The following ZZEF1 variants were observed in gnomAD, a reference collection of about 807,000 sequenced individuals.
ZZEF1 encodes the protein zinc finger ZZ-type and EF-hand domain containing 1.
A neutral mutation model predicts 342.8 loss-of-function variants in ZZEF1; 157 were observed. The observed-to-expected ratio is 0.46, with a 90% CI of 0.40 to 0.52. The LOEUF (loss-of-function observed/expected upper bound fraction) is 0.52. Ranked by LOEUF, ZZEF1 falls within the 20% of genes least tolerant of loss-of-function variation. The pLI, the probability that ZZEF1 is intolerant of heterozygous loss-of-function variation, is 0.00. For synonymous variants in ZZEF1, 1,505 were observed against 1,429.1 expected, an observed-to-expected ratio of 1.05 and a Z score of -1.20; for missense variants, 3,480 against 3,725.6, an observed-to-expected ratio of 0.93 and a Z score of 1.72.
In ZZEF1 at chr17:4,044,250, T is replaced by C. The variant is rs979158431; in HGVS notation, c.6140A>G (p.Asp2047Gly). 4.3e-6 allele frequency: 7 copies of C among 1,614,018 alleles called. No homozygotes were observed. The highest frequency in any genetic ancestry group is 5.9e-6 in the Non-Finnish European group (7 of 1,180,010). ...TGGAAGTCCTGTAGGTGGGCTAGCATCTGCAGGTGAATCTGAAATTTGGGT... is the reference window on the plus strand; with the variant it reads ...TGGAAGTCCTGTAGGTGGGCTAGCACCTGCAGGTGAATCTGAAATTTGGGT... ...CQTQISDSPA[D>G]ASPPTGLPDA... Residue 2047 changes from aspartate (D) to glycine (G), a missense_variant, in exon 38 of 55, where the codon GAT (aspartate) becomes GGT (glycine). By Grantham distance (94) the Asp-to-Gly change is moderately conservative (BLOSUM62 -1). Around this residue, in one of 5 missense-constraint regions of ZZEF1, gnomAD observed 1,269 missense variants for 1,342.4 expected, o/e 0.95. Transcript: ENST00000381638.
In ZZEF1 at chr17:4,016,497, C is replaced by T; in HGVS notation, c.8002-31G>A. 1.3e-6 allele frequency: 2 copies of T among 1,579,616 alleles called. No individual in the cohort carries two copies. Among genetic ancestry groups the T allele is most frequent in the Non-Finnish European group, 1.7e-6 (2 of 1,169,788 alleles). ...GGGAAGCAGACAGATAAGGTCAGGG[C>T]CTGCAAGTGGCATCAGGAAGAAGGG... On this transcript the variant is annotated intron_variant, in intron 48 of 54. Coordinates refer to ENST00000381638, the MANE Select transcript of ZZEF1 (RefSeq NM_015113.4). The surrounding 1 kb of genome is among the most constrained non-coding windows in gnomAD (Gnocchi z 4.4).
chr17:4,085,757 T>A lies in ZZEF1; in HGVS notation c.2559A>T (p.Lys853Asn). ...TGAGAAGGGTATTCCTGACTTCTTG[T>A]TTTAGTATCTCCATGGGCACAGAGT... Reference protein sequence around the residue: ...DGDSVPMEILKQEVRNTLLNG... With the variant: ...DGDSVPMEILNQEVRNTLLNG... Residue 853 changes from lysine to asparagine, a missense_variant, in exon 16 of 55, where the codon AAA becomes AAT. Lys to Asn is a moderately conservative substitution (Grantham distance 94). This residue lies in a region of ZZEF1 where 1,528 missense variants were observed against 1,624.1 expected (regional missense o/e 0.94). Transcript: ENST00000381638. 1.2e-6 allele frequency: 2 copies of A among 1,614,144 alleles called. No individual in the cohort carries two copies. The highest frequency in any genetic ancestry group is 1.7e-6 in the Non-Finnish European group (2 of 1,180,000).
intron 1 of ZZEF1, among the ~76,000 whole-genome samples, chr17:4,133,520 T>G (rs74463681): frequency 2.4e-4 from 37 of 152,118 alleles, no homozygotes; most frequent in Non-Finnish European, 4.4e-4. Flanking sequence ...CCGCTCCTTT[T>G]GTCCAGGTGA....
In ZZEF1 at chr17:4,084,773, C is replaced by T. The variant is rs144291892; in HGVS notation, c.2646+897G>A. ...CCCAGCTACTAATGTCTGAGGAACA[C>T]GAAGAAGTGGTCTAGGAGAGTGACA... On this transcript the variant is annotated intron_variant, in intron 16 of 54. Transcript: ENST00000381638. 1.1e-4 allele frequency among the ~76,000 whole-genome samples: 16 copies of T among 152,288 alleles called. No individual in the cohort carries two copies. The East Asian group carries it at 2.7e-3, about 26-fold the overall frequency.
At chr17:4,057,868 T>C in intron 32 of ZZEF1, 126 bp downstream of exon 32, 1 of 942,370 alleles carries the variant, frequency 1.1e-6, no homozygotes, top group Non-Finnish European at 1.6e-6. Flanking sequence ...TCGGCTAGGA[T>C]GTGGCAAAGC....
At chr17:4,139,535 C>G (rs1340945926) in intron 1 of ZZEF1, among the ~76,000 whole-genome samples, 1 of 152,198 alleles carries the variant, frequency 6.6e-6, no homozygotes, top group African/African-American at 2.4e-5. Flanking sequence ...AGATTAACAA[C>G]GCAGAATTAA....
chr17:4,132,415 C>T (rs1181826266), intron 1 of ZZEF1, among the ~76,000 whole-genome samples: 6 of 150,436 alleles, frequency 4.0e-5, no homozygotes, highest in Admixed American at 1.3e-4. Flanking sequence ...AACTCCTGGC[C>T]TCAAGTGATC....
intron 1 of ZZEF1, among the ~76,000 whole-genome samples, chr17:4,126,798 T>C (rs1276484893): frequency 6.6e-6 from 1 of 152,056 alleles, no homozygotes; most frequent in Non-Finnish European, 1.5e-5. Flanking sequence ...AAACTCCGTA[T>C]CTACTAAAAC....
chr17:4,098,855 T>G (rs2058081613), intron 9 of ZZEF1, among the ~76,000 whole-genome samples: 1 of 152,192 alleles, frequency 6.6e-6, no homozygotes, highest in African/African-American at 2.4e-5. Context: ...ATAGGCAATT[T>G]TAAGAATCCA....
intron 45 of ZZEF1, chr17:4,019,979 G>T: frequency 2.2e-6 from 1 of 454,878 alleles, no homozygotes; most frequent in Non-Finnish European, 3.8e-6. Context: ...AACTTCAAAG[G>T]AAATTATAAA....
At chr17:4,028,729 G>T (rs1032767878) in intron 42 of ZZEF1, among the ~76,000 whole-genome samples, 3 of 152,130 alleles carry the variant, frequency 2.0e-5, no homozygotes, top group African/African-American at 7.2e-5. Context: ...GAAACCCATG[G>T]ATATGAAGGG....
Position 4,077,943 on chromosome 17 carries a change from G to C in ZZEF1, c.2929C>G (p.Leu977Val), listed in dbSNP as rs760415340. The C allele has an allele frequency of 1.2e-6, 2 of 1,614,176 alleles. No homozygotes were observed. Among genetic ancestry groups the C allele is most frequent in the South Asian group, 1.1e-5 (1 of 91,082 alleles). ...VQGSLLSWCY[L>V]QLKSTDSGAK... The stretch of plus-strand genomic sequence containing the variant: ...CCAGAGTCCGTGCTCTTCAGCTGCA[G>C]GTAGCACCAGGATAGCAGGCTGCCT... Residue 977 changes from leucine to valine, a missense_variant, in exon 19 of 55, where the codon CTG becomes GTG. Coordinates refer to ENST00000381638, the MANE Select transcript of ZZEF1 (RefSeq NM_015113.4).
At chr17:4,009,779 T>C in intron 52 of ZZEF1, 22 bp from the exon 53 acceptor site, 1 of 1,610,620 alleles carries the variant, frequency 6.2e-7, no homozygotes, top group Non-Finnish European at 8.5e-7. Flanking sequence ...GCCCCGGAGG[T>C]GGTCAGTTTA....
At position 4,056,305 on chromosome 17, in the gene ZZEF1, T is replaced by A; in HGVS notation, c.5206A>T (p.Asn1736Tyr). ...EEDELADAKQNSEWMDECQDG... is the reference protein window; with the variant it reads ...EEDELADAKQYSEWMDECQDG... The stretch of plus-strand genomic sequence containing the variant: ...TGACACTCATCCATCCATTCTGAAT[T>A]CTGCTTGGCATCAGCAAGCTCATCT... The change falls in exon 33 of 55, where the codon AAT becomes TAT. Residue 1736 changes from asparagine to tyrosine, a missense_variant. Asn to Tyr is a moderately radical substitution (Grantham distance 143). Transcript: ENST00000381638. 1.2e-6 allele frequency: 2 copies of A among 1,601,392 alleles called. No homozygotes were observed. Among genetic ancestry groups the A allele is most frequent in the Non-Finnish European group, 1.7e-6 (2 of 1,173,916 alleles).
chr17:4,010,294 C>T (rs1356088376), intron 52 of ZZEF1, among the ~76,000 whole-genome samples: 2 of 151,854 alleles, frequency 1.3e-5, no homozygotes, highest in South Asian at 2.1e-4. Flanking sequence ...TTGGAGGTTG[C>T]AGTGAGCCAT....
intron 18 of ZZEF1, 79 bp from the exon 19 acceptor site, chr17:4,078,121 G>C: frequency 7.0e-7 from 1 of 1,438,642 alleles, no homozygotes; most frequent in South Asian, 1.4e-5. Context: ...CTCTAAAGCA[G>C]CAGCTGTCAC....
At chr17:4,024,876 A>C in intron 43 of ZZEF1, 43 bp downstream of exon 43, 2 of 1,587,340 alleles carry the variant, frequency 1.3e-6, no homozygotes, top group Non-Finnish European at 1.7e-6. Flanking sequence ...CAGATGTCAA[A>C]TTATAGCCAG....
intron 42 of ZZEF1, among the ~76,000 whole-genome samples, chr17:4,027,285 A>ATTTTTTT (rs2056429836): frequency 7.5e-5 from 4 of 53,258 alleles, no homozygotes; most frequent in Admixed American, 2.2e-4. Context: ...GCAATATCTC[A>ATTTTTTT]CTTTTTTTTT....
intron 1 of ZZEF1, among the ~76,000 whole-genome samples, chr17:4,137,993 A>AGG (rs5818933): frequency 1.3e-5 from 2 of 152,126 alleles, no homozygotes; most frequent in East Asian, 1.9e-4. Flanking sequence ...ATGCGGGGGT[A>AGG]GGGGGAAGAT....
Sources: allele counts gnomAD v4.1 joint callset (sites outside exome capture counted in the v4.1 genomes callset), GRCh38; gene constraint gnomAD v4.1.1; regional missense constraint gnomAD v4.1.1; non-coding constraint Gnocchi (gnomAD v3.1); transcripts MANE v1.5; gene names NCBI Gene and HGNC (gene_info 2026-07-23, HGNC 2026-07-21).